The following WDR64 variants were observed in gnomAD, a reference collection of about 807,000 sequenced individuals.
The protein encoded by WDR64 is WD repeat domain 64.
In WDR64, 112 loss-of-function variants were observed where a neutral mutation model predicts 139.3. The ratio of observed to expected loss-of-function variants is 0.80; its 90% CI spans 0.69 to 0.94. The LOEUF (loss-of-function observed/expected upper bound fraction) is 0.94, where lower values mean the gene tolerates loss of function less well. Ranked by LOEUF, WDR64 falls within the 40% of genes least tolerant of loss-of-function variation. The probability of loss-of-function intolerance (pLI) is 0.00; values close to 1 mark genes in which losing one functional copy is unlikely to be tolerated. For synonymous variants in WDR64, 444 were observed against 437.7 expected, an observed-to-expected ratio of 1.01 and a Z score of -0.18; for missense variants, 1,206 against 1,293.1, an observed-to-expected ratio of 0.93 and a Z score of 1.03.
intron 2 of WDR64, among the ~76,000 whole-genome samples, chr1:241,664,264 T>C (rs1002326678): frequency 5.9e-5 from 9 of 152,250 alleles, no homozygotes; most frequent in Non-Finnish European, 1.2e-4. Context: ...CTCACTGTTC[T>C]CTATTTTCTT....
At chr1:241,749,452 A>T (rs113072328) in intron 13 of WDR64, 95 bp from the exon 14 acceptor site, 2 of 1,411,374 alleles carry the variant, frequency 1.4e-6, no homozygotes, top group African/African-American at 1.4e-5. Flanking sequence ...AATTGTTGGC[A>T]GAAAGCTTTC....
intron 14 of WDR64, among the ~76,000 whole-genome samples, chr1:241,751,873 G>C (rs966573341): frequency 6.6e-6 from 1 of 152,138 alleles, no homozygotes; most frequent in African/African-American, 2.4e-5. Context: ...GTTTTAAGGG[G>C]ATAGAATTGC....
At chr1:241,770,152 G>T (rs1658373145) in intron 17 of WDR64, among the ~76,000 whole-genome samples, 1 of 152,090 alleles carries the variant, frequency 6.6e-6, no homozygotes, top group Admixed American at 6.5e-5. Flanking sequence ...ACTGTTCTGA[G>T]AATATTTTGA....
intron 15 of WDR64, among the ~76,000 whole-genome samples, chr1:241,764,880 T>C (rs1333280762): frequency 1.3e-5 from 2 of 152,014 alleles, no homozygotes; most frequent in Non-Finnish European, 2.9e-5. Flanking sequence ...AAAATAGCGC[T>C]AACCAATGAA....
chr1:241,794,543 C>G lies in WDR64; in HGVS notation c.2998-664C>G, dbSNP rs548135346. On this transcript the variant is annotated intron_variant, in intron 25 of 27. Coordinates refer to ENST00000437684, the MANE Select transcript of WDR64 (RefSeq NM_001367482.1). Reference sequence around the variant, plus strand: ...TTTTTTTTTGAGACAGAGTCTTGCTCTGTCATCCAGGCTGGAGTGCAGTGC... The same window carrying G: ...TTTTTTTTTGAGACAGAGTCTTGCTGTGTCATCCAGGCTGGAGTGCAGTGC... 8.1e-5 allele frequency among the ~76,000 whole-genome samples: 9 copies of G among 111,636 alleles called. No homozygotes were observed. The South Asian group carries it at 2.8e-3, about 35-fold the overall frequency. The allele number at this position is 111,636 out of a possible 152,430, so 73.2% of individuals were successfully genotyped here. A position where few individuals can be genotyped will look rare whatever the true frequency, so the allele number is the denominator to read the frequency against.
At chr1:241,749,764 T>TG in intron 14 of WDR64, 42 bp downstream of exon 14, 1 of 1,599,516 alleles carries the variant, frequency 6.3e-7, no homozygotes, top group Non-Finnish European at 8.5e-7. Context: ...GGTGCCCTTT[T>TG]TGGGAAAATC....
In WDR64 at chr1:241,749,699, A is replaced by G; in HGVS notation, c.1747A>G (p.Asn583Asp). The change falls in exon 14 of 28, where the codon AAC (asparagine) becomes GAC (aspartate). Residue 583 changes from asparagine to aspartate, a missense_variant. Coordinates refer to ENST00000437684, the MANE Select transcript of WDR64 (RefSeq NM_001367482.1). ...HQQLVLALER[N>D]GTIKMIQGKE... ...GCAGCTGGTCCTGGCCTTGGAGCGC[A>G]ACGGGACTATCAAAATGATCCAGGT... is the stretch of plus-strand genomic sequence containing the variant. The G allele has an allele frequency of 6.2e-7, 1 of 1,614,034 alleles. No individual in the cohort carries two copies. The highest frequency in any genetic ancestry group is 8.5e-7 in the Non-Finnish European group (1 of 1,179,954).
chr1:241,709,463 G>C (rs1668080631), intron 8 of WDR64, among the ~76,000 whole-genome samples: 1 of 152,116 alleles, frequency 6.6e-6, no homozygotes, highest in Non-Finnish European at 1.5e-5. Context: ...TTAAAGTTAG[G>C]CTTTGGCCAG....
chr1:241,725,372 G>A (rs1456533742), intron 10 of WDR64, among the ~76,000 whole-genome samples: 1 of 148,328 alleles, frequency 6.7e-6, no homozygotes, highest in Non-Finnish European at 1.5e-5. Context: ...GGAAGGGAAG[G>A]GAAAGAAAAA....
At chr1:241,778,283 C>G (rs1349975737) in intron 21 of WDR64, among the ~76,000 whole-genome samples, 1 of 152,162 alleles carries the variant, frequency 6.6e-6, no homozygotes, top group Non-Finnish European at 1.5e-5. Flanking sequence ...TTTTATCACT[C>G]TGAAGTCTGC....
At chr1:241,718,271 A>C (rs982636079) in intron 9 of WDR64, among the ~76,000 whole-genome samples, 1 of 152,208 alleles carries the variant, frequency 6.6e-6, no homozygotes, top group Admixed American at 6.6e-5. Flanking sequence ...TGTAAAAGAA[A>C]GCTGAAGAAA....
At chr1:241,715,934 G>C (rs1668384897) in intron 9 of WDR64, among the ~76,000 whole-genome samples, 1 of 152,084 alleles carries the variant, frequency 6.6e-6, no homozygotes, top group Admixed American at 6.6e-5. Context: ...CTCATCTACA[G>C]CTTGAAAACG....
intron 10 of WDR64, among the ~76,000 whole-genome samples, chr1:241,735,096 C>A (rs1161266270): frequency 1.3e-5 from 2 of 152,072 alleles, no homozygotes; most frequent in Non-Finnish European, 2.9e-5. Flanking sequence ...AGCATTAGTG[C>A]AAGTGTCCCT....
intron 4 of WDR64, chr1:241,676,524 A>G (rs753665710): frequency 3.3e-5 from 5 of 152,206 alleles, no homozygotes; most frequent in Non-Finnish European, 7.3e-5. Context: ...GATGGTATCT[A>G]GAAAATAATA....
Position 241,771,937 on chromosome 1 carries a change from CATACATACATATATATATATATATAT to C in WDR64, c.2290+244_2290+269del, listed in dbSNP as rs1202767740. ...ATACATATATACATACATATACATACATACATACATATATATATATATATATATATATATATATATATATATATATA... is the reference window on the plus strand; with the variant it reads ...ATACATATATACATACATATACATACATATATATATATATATATATATATA... On this transcript the variant is annotated intron_variant, in intron 19 of 27. Coordinates refer to ENST00000437684, the MANE Select transcript of WDR64 (RefSeq NM_001367482.1). Among the ~76,000 whole-genome samples, 28 of 56,528 alleles carry C rather than the reference CATACATACATATATATATATATATAT, an allele frequency of 5.0e-4. 1 individual carries two copies. Among genetic ancestry groups the C allele is most frequent in the African/African-American group, 1.6e-3 (27 of 17,084 alleles). The allele number at this position is 56,528 out of a possible 152,430, so 37.1% of individuals were successfully genotyped here.
intron 8 of WDR64, among the ~76,000 whole-genome samples, chr1:241,705,490 C>T (rs1392705238): frequency 1.3e-5 from 2 of 150,298 alleles, no homozygotes; most frequent in Non-Finnish European, 3.0e-5. Flanking sequence ...TGCAGTGAGC[C>T]GAGATCGCGC....
At chr1:241,758,480 G>A (rs886851825) in intron 15 of WDR64, among the ~76,000 whole-genome samples, 6 of 152,170 alleles carry the variant, frequency 3.9e-5, no homozygotes, top group Admixed American at 2.6e-4. Flanking sequence ...AGTTTATATA[G>A]AAAAGCAAAC....
intron 25 of WDR64, among the ~76,000 whole-genome samples, chr1:241,792,275 G>A (rs978918514): frequency 1.3e-5 from 2 of 152,150 alleles, no homozygotes; most frequent in African/African-American, 2.4e-5. Flanking sequence ...GGTGGCTCAC[G>A]CCTGTAATCC....
In WDR64 at chr1:241,723,325, C is replaced by A; in HGVS notation, c.1083C>A (p.His361Gln). The change falls in exon 10 of 28, where the codon CAC becomes CAA. Residue 361 changes from histidine to glutamine, a missense_variant. His to Gln is a conservative substitution (Grantham distance 24, BLOSUM62 0). Coordinates refer to ENST00000437684, the MANE Select transcript of WDR64 (RefSeq NM_001367482.1). ...GGDDKVIRLW[H>Q]PNISTKPVGK... Reference sequence around the variant, plus strand: ...ATGATAAGGTCATCCGGTTGTGGCACCCCAATATCAGCACCAAGCCAGTAG... The same window carrying A: ...ATGATAAGGTCATCCGGTTGTGGCAACCCAATATCAGCACCAAGCCAGTAG... The A allele has an allele frequency of 6.2e-7, 1 of 1,613,924 alleles. No individual in the cohort carries two copies. Among genetic ancestry groups the A allele is most frequent in the Non-Finnish European group, 8.5e-7 (1 of 1,179,890 alleles).
Sources: allele counts gnomAD v4.1 joint callset (sites outside exome capture counted in the v4.1 genomes callset), GRCh38; gene constraint gnomAD v4.1.1; transcripts MANE v1.5; gene names NCBI Gene and HGNC (gene_info 2026-07-23, HGNC 2026-07-21).